Variants in RAB6C observed in about 807,000 individuals in gnomAD.
RAB6C encodes the protein ras-related protein Rab-6C.
RAB6C carries 8 observed loss-of-function variants against 17.2 expected under a neutral mutation model. That is an observed-to-expected ratio of 0.46 (90% CI 0.27 to 0.84). The LOEUF (loss-of-function observed/expected upper bound fraction) is 0.84. RAB6C is among the 40% of genes least tolerant of loss of function. RAB6C has a pLI of 0.13. For synonymous variants in RAB6C, 78 were observed against 118.9 expected, an observed-to-expected ratio of 0.66 and a Z score of 2.24; for missense variants, 151 against 306.5, an observed-to-expected ratio of 0.49 and a Z score of 3.79.
In RAB6C at chr2:129,979,750, G is replaced by A; in HGVS notation, c.-366G>A. ...GATCCCGGATACATCTGCGGTTTGG[G>A]CTCCGCCACCCTCCGTCTCTCTCCC... On this transcript the variant is annotated 5_prime_UTR_variant, in exon 1 of 1. Coordinates refer to ENST00000410061, the MANE Select transcript of RAB6C (RefSeq NM_032144.3). 1 of 363,786 alleles carries A rather than the reference G, an allele frequency of 2.7e-6. No homozygotes were observed. The allele number at this position is 363,786 out of a possible 1,614,324, so 22.5% of individuals were successfully genotyped here. A position where few individuals can be genotyped will look rare whatever the true frequency, so the allele number is the denominator to read the frequency against.
Position 129,981,900 on chromosome 2 carries a change from G to A in RAB6C, c.*1020G>A, listed in dbSNP as rs1325197385. On this transcript the variant is annotated 3_prime_UTR_variant, in exon 1 of 1. Transcript: ENST00000410061. Reference sequence around the variant, plus strand: ...GACGGAAGACGGAAGACGGAAACCGGAAACCGTTTTCTTGTAAGCCCCTAG... The same window carrying A: ...GACGGAAGACGGAAGACGGAAACCGAAAACCGTTTTCTTGTAAGCCCCTAG... 1 of 166,862 alleles carries A rather than the reference G, an allele frequency of 6.0e-6. No homozygotes were observed. The highest frequency in any genetic ancestry group is 2.4e-5 in the African/African-American group (1 of 41,342). The allele number at this position is 166,862 out of a possible 1,614,324, so 10.3% of individuals were successfully genotyped here.
Position 129,982,571 on chromosome 2 carries a change from G to C in RAB6C, c.*1691G>C, listed in dbSNP as rs191684706. 1,858 of 167,174 alleles carry C rather than the reference G, an allele frequency of 0.011. 32 individuals carry two copies. The highest frequency in any genetic ancestry group is 9.9e-3 in the Non-Finnish European group (672 of 68,112). The allele number at this position is 167,174 out of a possible 1,614,324, so 10.4% of individuals were successfully genotyped here. ...AGCACTTGGATTATGGATCTGAATA[G>C]AGAAATGCTTACAGATAATCATTAG... On this transcript the variant is annotated 3_prime_UTR_variant, in exon 1 of 1. Transcript: ENST00000410061.
chr2:129,980,575 G>T lies in RAB6C; in HGVS notation c.460G>T (p.Glu154Ter), dbSNP rs760756127. 5 of 1,613,988 alleles carry T rather than the reference G, an allele frequency of 3.1e-6. No homozygotes were observed. Among genetic ancestry groups the T allele is most frequent in the Non-Finnish European group, 4.2e-6 (5 of 1,180,004 alleles). Reference protein sequence around the residue: ...KAKGLNVTFIETRAKAGYNVK... With the variant: ...KAKGLNVTFI ...CAAAGGGCTGAATGTTACGTTTATT[G>T]AAACTAGGGCAAAAGCTGGATACAA... The change falls in exon 1 of 1, where the codon GAA (glutamate) becomes TAA (stop). Residue 154 changes from glutamate (E) to a stop codon, truncating the protein, a stop_gained. Transcript: ENST00000410061. LOFTEE classifies it high-confidence loss of function.
Position 129,980,567 on chromosome 2 carries a change from C to G in RAB6C, c.452C>G (p.Thr151Arg), listed in dbSNP as rs772303642. 5 of 1,614,006 alleles carry G rather than the reference C, an allele frequency of 3.1e-6. No homozygotes were observed. The Admixed American group carries it at 6.7e-5, about 22-fold the overall frequency. The change falls in exon 1 of 1, where the codon ACG becomes AGG. Residue 151 changes from threonine (T) to arginine (R), a missense_variant. Physicochemically the swap from Thr to Arg is moderately conservative, Grantham distance 71. Coordinates refer to ENST00000410061, the MANE Select transcript of RAB6C (RefSeq NM_032144.3). ...AGGAAAGCCAAAGGGCTGAATGTTA[C>G]GTTTATTGAAACTAGGGCAAAAGCT... ...GERKAKGLNV[T>R]FIETRAKAGY...
Position 129,981,312 on chromosome 2 carries a change from ATTAC to A in RAB6C, c.*436_*439del, listed in dbSNP as rs1681760177. ...GAATTATTCTTGAGCACTGATGTAAATTACTTAGATCTTCTTTGAGGTCAGAATT... is the reference window on the plus strand; with the variant it reads ...GAATTATTCTTGAGCACTGATGTAAATTAGATCTTCTTTGAGGTCAGAATT... On this transcript the variant is annotated 3_prime_UTR_variant, in exon 1 of 1. Transcript: ENST00000410061. 4.9e-6 allele frequency: 1 copy of A among 204,772 alleles called. No homozygotes were observed. The highest frequency in any genetic ancestry group is 2.4e-5 in the African/African-American group (1 of 42,028). The allele number at this position is 204,772 out of a possible 1,614,324, so 12.7% of individuals were successfully genotyped here. A position where few individuals can be genotyped will look rare whatever the true frequency, so the allele number is the denominator to read the frequency against.
Position 129,979,831 on chromosome 2 carries a change from A to T in RAB6C, c.-285A>T, listed in dbSNP as rs1358664113. 1 of 580,000 alleles carries T rather than the reference A, an allele frequency of 1.7e-6. No homozygotes were observed. The highest frequency in any genetic ancestry group is 1.9e-5 in the African/African-American group (1 of 52,646). 35.9% of individuals were successfully genotyped at this position (580,000 alleles called of 1,614,324 possible). On this transcript the variant is annotated 5_prime_UTR_variant, in exon 1 of 1. Transcript: ENST00000410061. ...GAACGGCCCTAGCCTTGGGAAGCCA[A>T]AGCACACCCCTGGCTCCTGCCGACA...
In RAB6C at chr2:129,980,895, A is replaced by G. The variant is rs1160642495; in HGVS notation, c.*15A>G. ...CGTGGAGGTGATCTATTAGCTTCACAAGCACAAAAAAAGTCAGCGTCTTCA... is the reference window on the plus strand; with the variant it reads ...CGTGGAGGTGATCTATTAGCTTCACGAGCACAAAAAAAGTCAGCGTCTTCA... On this transcript the variant is annotated 3_prime_UTR_variant, in exon 1 of 1. Transcript: ENST00000410061. 6.3e-7 allele frequency: 1 copy of G among 1,588,820 alleles called. No individual in the cohort carries two copies. The highest frequency in any genetic ancestry group is 1.8e-5 in the Admixed American group (1 of 55,986).
Position 129,982,462 on chromosome 2 carries a change from AC to A in RAB6C, c.*1584del, listed in dbSNP as rs1681783859. 1 of 167,016 alleles carries A rather than the reference AC, an allele frequency of 6.0e-6. No homozygotes were observed. The highest frequency in any genetic ancestry group is 1.5e-5 in the Non-Finnish European group (1 of 68,100). 10.3% of individuals were successfully genotyped at this position (167,016 alleles called of 1,614,324 possible). A position where few individuals can be genotyped will look rare whatever the true frequency, so the allele number is the denominator to read the frequency against. On this transcript the variant is annotated 3_prime_UTR_variant, in exon 1 of 1. Transcript: ENST00000410061. ...TTCCTCATCCCCTCATTGCAACAAA[AC>A]CTTAAACTGGGAGAACCTTAGTCCC...
chr2:129,979,994 C>T lies in RAB6C; in HGVS notation c.-122C>T, dbSNP rs1317972221. On this transcript the variant is annotated 5_prime_UTR_variant, in exon 1 of 1. Coordinates refer to ENST00000410061, the MANE Select transcript of RAB6C (RefSeq NM_032144.3). ...CTCCAGCCGGGCTCCTCCACCGGCC[C>T]TTGCAGGGGCGCAGAGAGCTCGGCG... 1 of 1,450,564 alleles carries T rather than the reference C, an allele frequency of 6.9e-7. No homozygotes were observed. Among genetic ancestry groups the T allele is most frequent in the African/African-American group, 1.5e-5 (1 of 68,688 alleles). 89.9% of individuals were successfully genotyped at this position (1,450,564 alleles called of 1,614,324 possible).
chr2:129,981,757 T>C lies in RAB6C; in HGVS notation c.*877T>C, dbSNP rs1304282615. The C allele has an allele frequency of 6.0e-6, 1 of 167,110 alleles. No homozygotes were observed. The highest frequency in any genetic ancestry group is 1.5e-5 in the Non-Finnish European group (1 of 68,122). 10.4% of individuals were successfully genotyped at this position (167,110 alleles called of 1,614,324 possible). On this transcript the variant is annotated 3_prime_UTR_variant, in exon 1 of 1. Coordinates refer to ENST00000410061, the MANE Select transcript of RAB6C (RefSeq NM_032144.3). ...AAGAACCAGTGGAAGAATTTAAATT[T>C]GGCACTACGATCAAAACTACTGAAT...
rs1681787065 is a variant in RAB6C, at chr2:129,982,647, T to G, written c.*1767T>G. Reference sequence around the variant, plus strand: ...AAGATGGGATGGAGTTATAAAGTGCTTTTATAATACAATATAATTGCTAAA... The same window carrying G: ...AAGATGGGATGGAGTTATAAAGTGCGTTTATAATACAATATAATTGCTAAA... On this transcript the variant is annotated 3_prime_UTR_variant, in exon 1 of 1. Coordinates refer to ENST00000410061, the MANE Select transcript of RAB6C (RefSeq NM_032144.3). 6.0e-6 allele frequency: 1 copy of G among 167,150 alleles called. No homozygotes were observed. Among genetic ancestry groups the G allele is most frequent in the African/African-American group, 2.4e-5 (1 of 41,476 alleles). The allele number at this position is 167,150 out of a possible 1,614,324, so 10.4% of individuals were successfully genotyped here.
rs1338755169 is a variant in RAB6C at position 129,979,841 on chromosome 2, C to T, written c.-275C>T. 2 of 599,550 alleles carry T rather than the reference C, an allele frequency of 3.3e-6. No individual in the cohort carries two copies. The highest frequency in any genetic ancestry group is 1.9e-5 in the African/African-American group (1 of 53,236). 37.1% of individuals were successfully genotyped at this position (599,550 alleles called of 1,614,324 possible). On this transcript the variant is annotated 5_prime_UTR_variant, in exon 1 of 1. Coordinates refer to ENST00000410061, the MANE Select transcript of RAB6C (RefSeq NM_032144.3). ...AGCCTTGGGAAGCCAAAGCACACCC[C>T]TGGCTCCTGCCGACACCGCCCTCCT...
rs2104959597 is a variant in RAB6C at position 129,982,243 on chromosome 2, T to C, written c.*1363T>C. On this transcript the variant is annotated 3_prime_UTR_variant, in exon 1 of 1. Coordinates refer to ENST00000410061, the MANE Select transcript of RAB6C (RefSeq NM_032144.3). ...TCCCTTAAAACACTGCAAACAAATA[T>C]ACTAGGAGTGTGCCCTTTTAATCTT... The C allele has an allele frequency of 6.0e-6, 1 of 167,050 alleles. No individual in the cohort carries two copies. Among genetic ancestry groups the C allele is most frequent in the East Asian group, 1.9e-4 (1 of 5,180 alleles). 10.3% of individuals were successfully genotyped at this position (167,050 alleles called of 1,614,324 possible).
In RAB6C at chr2:129,981,839, A is replaced by G. The variant is rs1329903962; in HGVS notation, c.*959A>G. The G allele has an allele frequency of 1.8e-5, 3 of 166,098 alleles. No homozygotes were observed. Among genetic ancestry groups the G allele is most frequent in the African/African-American group, 4.9e-5 (2 of 40,924 alleles). The allele number at this position is 166,098 out of a possible 1,614,324, so 10.3% of individuals were successfully genotyped here. A position where few individuals can be genotyped will look rare whatever the true frequency, so the allele number is the denominator to read the frequency against. On this transcript the variant is annotated 3_prime_UTR_variant, in exon 1 of 1. Transcript: ENST00000410061. ...GCAAAAGAACCCTCAGCAGAATAGC[A>G]AAAACTTTGCTCAGGACATTTGAGG...
In RAB6C at chr2:129,979,848, C is replaced by T. The variant is rs1165238844; in HGVS notation, c.-268C>T. ...GGAAGCCAAAGCACACCCCTGGCTC[C>T]TGCCGACACCGCCCTCCTTCCCTTC... On this transcript the variant is annotated 5_prime_UTR_variant, in exon 1 of 1. Transcript: ENST00000410061. 1.5e-5 allele frequency: 9 copies of T among 608,534 alleles called. No individual in the cohort carries two copies. In the African/African-American group the frequency reaches 1.7e-4, roughly 11 times the overall value. The allele number at this position is 608,534 out of a possible 1,614,324, so 37.7% of individuals were successfully genotyped here. A position where few individuals can be genotyped will look rare whatever the true frequency, so the allele number is the denominator to read the frequency against.
At position 129,982,630 on chromosome 2, in the gene RAB6C, A is replaced by G. The variant is rs1681786743; in HGVS notation, c.*1750A>G. 1 of 167,228 alleles carries G rather than the reference A, an allele frequency of 6.0e-6. No homozygotes were observed. Among genetic ancestry groups the G allele is most frequent in the African/African-American group, 2.4e-5 (1 of 41,578 alleles). The allele number at this position is 167,228 out of a possible 1,614,324, so 10.4% of individuals were successfully genotyped here. ...CCAGTAACTTATACTTAAAGATGGG[A>G]TGGAGTTATAAAGTGCTTTTATAAT... On this transcript the variant is annotated 3_prime_UTR_variant, in exon 1 of 1. Coordinates refer to ENST00000410061, the MANE Select transcript of RAB6C (RefSeq NM_032144.3).
Position 129,979,956 on chromosome 2 carries a change from T to A in RAB6C, c.-160T>A. 1 of 1,332,386 alleles carries A rather than the reference T, an allele frequency of 7.5e-7. No homozygotes were observed. Among genetic ancestry groups the A allele is most frequent in the Non-Finnish European group, 1.0e-6 (1 of 990,814 alleles). The allele number at this position is 1,332,386 out of a possible 1,614,324, so 82.5% of individuals were successfully genotyped here. A position where few individuals can be genotyped will look rare whatever the true frequency, so the allele number is the denominator to read the frequency against. On this transcript the variant is annotated 5_prime_UTR_variant, in exon 1 of 1. Transcript: ENST00000410061. ...CAGTCTGTGGCGAGCCCTGCTGCCC[T>A]CCAGCCGGGCTCCTCCAGCCGGGCT...
rs1681714121 is a variant in RAB6C, at chr2:129,979,934, T to G, written c.-182T>G. 8.9e-7 allele frequency: 1 copy of G among 1,124,632 alleles called. No homozygotes were observed. The allele number at this position is 1,124,632 out of a possible 1,614,324, so 69.7% of individuals were successfully genotyped here. A position where few individuals can be genotyped will look rare whatever the true frequency, so the allele number is the denominator to read the frequency against. On this transcript the variant is annotated 5_prime_UTR_variant, in exon 1 of 1. Coordinates refer to ENST00000410061, the MANE Select transcript of RAB6C (RefSeq NM_032144.3). ...GCCGGGAGGCGGCGGCGGCTGCCAG[T>G]CTGTGGCGAGCCCTGCTGCCCTCCA...
Position 129,981,132 on chromosome 2 carries a change from T to C in RAB6C, c.*252T>C. 1 of 294,816 alleles carries C rather than the reference T, an allele frequency of 3.4e-6. No individual in the cohort carries two copies. The highest frequency in any genetic ancestry group is 6.6e-5 in the South Asian group (1 of 15,172). 18.3% of individuals were successfully genotyped at this position (294,816 alleles called of 1,614,324 possible). ...TCTCCTTGCTCTTCTCACCTCTCCC[T>C]TACCCCGTTCCCTATTTCCGTGTTC... On this transcript the variant is annotated 3_prime_UTR_variant, in exon 1 of 1. Transcript: ENST00000410061.
Sources: gnomAD v4.1 joint callset for allele counts on GRCh38, gnomAD v4.1.1 for gene constraint, MANE v1.5 for transcripts, NCBI Gene and HGNC (gene_info 2026-07-23, HGNC 2026-07-21) for gene names.